Variants in FOXN3 observed in about 807,000 individuals in gnomAD.
FOXN3 encodes forkhead box N3.
Under a neutral mutation model 38.4 loss-of-function variants are expected in FOXN3, and 7 were observed. The observed-to-expected ratio is 0.18, with a 90% confidence interval of 0.10 to 0.34. The LOEUF (loss-of-function observed/expected upper bound fraction) is 0.34. Among genes scored for constraint, FOXN3 ranks in the 10% least tolerant of loss-of-function variants. The probability of loss-of-function intolerance (pLI) is 1.00; values close to 1 mark genes in which losing one functional copy is unlikely to be tolerated. For synonymous variants in FOXN3, 230 were observed against 242.2 expected, an observed-to-expected ratio of 0.95 and a Z score of 0.47; for missense variants, 456 against 613.4, an observed-to-expected ratio of 0.74 and a Z score of 2.71.
chr14:89,293,304 A>G (rs1336449682), intron 3 of FOXN3, among the ~76,000 whole-genome samples: 2 of 152,170 alleles, frequency 1.3e-5, no homozygotes, highest in Non-Finnish European at 2.9e-5. Flanking sequence ...AGGGTTTATC[A>G]GTGTCTATTC....
intron 3 of FOXN3, among the ~76,000 whole-genome samples, chr14:89,335,349 A>C (rs1402311970): frequency 6.6e-6 from 1 of 152,226 alleles, no homozygotes; most frequent in Non-Finnish European, 1.5e-5. Context: ...AGTCTCTCAA[A>C]CTGAGTGTCA....
chr14:89,618,775 CTT>C (rs10649488), intron 1 of FOXN3, among the ~76,000 whole-genome samples: 1 of 145,586 alleles, frequency 6.9e-6, no homozygotes. Context: ...TCCTAAGAAA[CTT>C]TTTTTTTTTT....
rs1887129107 is a variant in FOXN3 at position 89,162,537 on chromosome 14, A to G, written c.1284T>C (p.Asp428=). 2 of 1,603,818 alleles carry G rather than the reference A, an allele frequency of 1.2e-6. No homozygotes were observed. The highest frequency in any genetic ancestry group is 8.5e-7 in the Non-Finnish European group (1 of 1,176,934). ...ACCCTGCCGCTTCTTTCATCTCCTC[A>G]TCATCGCTCTCGGGGGGCTTTTCGG... is the stretch of plus-strand genomic sequence containing the variant. ...RRTEKPPESD[D]EEMKEAAGSL... is the part of the protein sequence containing the mutation. The change falls in exon 6 of 6, where the codon GAT becomes GAC. Residue 428 remains aspartate (D), a synonymous_variant. Transcript: ENST00000557258. The surrounding 1 kb of genome is among the most constrained non-coding windows in gnomAD (Gnocchi z 7.2).
intron 4 of FOXN3, among the ~76,000 whole-genome samples, chr14:89,199,230 T>C (rs1596097476): frequency 6.6e-6 from 1 of 152,132 alleles, no homozygotes; most frequent in African/African-American, 2.4e-5. Context: ...ACTGTGGACA[T>C]GAACTGCAAA....
intron 5 of FOXN3, among the ~76,000 whole-genome samples, chr14:89,168,430 A>C (rs944776364): frequency 2.0e-5 from 3 of 152,220 alleles, no homozygotes; most frequent in Non-Finnish European, 4.4e-5. Context: ...CAGGGGATCA[A>C]GACTAGCCTG....
chr14:89,172,469 T>G (rs979274298), intron 5 of FOXN3, among the ~76,000 whole-genome samples: 4 of 152,220 alleles, frequency 2.6e-5, no homozygotes, highest in South Asian at 2.1e-4. Context: ...AGGGTGTCTT[T>G]TCTTTGTTTT....
chr14:89,217,331 GTCTC>G (rs1884318100), intron 4 of FOXN3, among the ~76,000 whole-genome samples: 2 of 152,066 alleles, frequency 1.3e-5, no homozygotes, highest in South Asian at 2.1e-4. Flanking sequence ...TAGAGATGGG[GTCTC>G]TCTATGTTGC....
chr14:89,360,562 A>AC, intron 2 of FOXN3, among the ~76,000 whole-genome samples: 5 of 4,856 alleles, frequency 1.0e-3, no homozygotes, highest in Non-Finnish European at 3.0e-3. Flanking sequence ...GAAGGAGGTG[A>AC]GGAGAGAGAG....
intron 4 of FOXN3, among the ~76,000 whole-genome samples, chr14:89,212,638 T>C (rs1365255166): frequency 1.3e-5 from 2 of 152,224 alleles, no homozygotes; most frequent in African/African-American, 4.8e-5. Flanking sequence ...GGAAATCATT[T>C]CTGAAAGGCT....
chr14:89,156,318 C>G lies in FOXN3; in HGVS notation c.*6096G>C, dbSNP rs962339477. ...TTGTCTTTGGCAATATGATTACATA[C>G]GAAGAATGCAAAATGCAGGTATGGA... is the stretch of plus-strand genomic sequence containing the variant. On this transcript the variant is annotated 3_prime_UTR_variant, in exon 6 of 6. Coordinates refer to ENST00000557258, the MANE Select transcript of FOXN3 (RefSeq NM_005197.4). 1 of 152,590 alleles carries G rather than the reference C, an allele frequency of 6.6e-6. No homozygotes were observed. The highest frequency in any genetic ancestry group is 2.4e-5 in the African/African-American group (1 of 41,426). 9.5% of individuals were successfully genotyped at this position (152,590 alleles called of 1,614,324 possible). A position where few individuals can be genotyped will look rare whatever the true frequency, so the allele number is the denominator to read the frequency against.
chr14:89,526,778 C>A (rs1894440711), intron 1 of FOXN3, among the ~76,000 whole-genome samples: 1 of 151,878 alleles, frequency 6.6e-6, no homozygotes, highest in Non-Finnish European at 1.5e-5. Context: ...ACAAAGGACC[C>A]AGAATGGCAA....
intron 2 of FOXN3, among the ~76,000 whole-genome samples, chr14:89,352,000 C>T (rs972103650): frequency 1.3e-5 from 2 of 152,204 alleles, no homozygotes; most frequent in African/African-American, 4.8e-5. Flanking sequence ...CATTAAAATA[C>T]TTTATTATCA....
chr14:89,438,940 A>C (rs964856785), intron 1 of FOXN3, among the ~76,000 whole-genome samples: 14 of 151,956 alleles, frequency 9.2e-5, no homozygotes, highest in Non-Finnish European at 1.9e-4. Context: ...TCGTATTTTT[A>C]GTAGGACAGA....
chr14:89,188,856 A>T (rs1477922102), intron 4 of FOXN3, among the ~76,000 whole-genome samples: 2 of 152,108 alleles, frequency 1.3e-5, no homozygotes, highest in Non-Finnish European at 2.9e-5. Flanking sequence ...AAAAAAAAAA[A>T]TTTAAAAACA....
chr14:89,210,156 G>A (rs1411335392), intron 4 of FOXN3, among the ~76,000 whole-genome samples: 1 of 152,208 alleles, frequency 6.6e-6, no homozygotes, highest in Non-Finnish European at 1.5e-5. Flanking sequence ...CCCCAGTGTT[G>A]GAGGTGGGGC....
chr14:89,293,879 G>A (rs1449772731), intron 3 of FOXN3, among the ~76,000 whole-genome samples: 2 of 152,174 alleles, frequency 1.3e-5, no homozygotes, highest in African/African-American at 2.4e-5. Flanking sequence ...ACCTACTGCT[G>A]TGCTTGGAAC....
At chr14:89,602,640 G>A (rs1405500362) in intron 1 of FOXN3, among the ~76,000 whole-genome samples, 1 of 151,904 alleles carries the variant, frequency 6.6e-6, no homozygotes, top group African/African-American at 2.4e-5. Context: ...GGGATTATAG[G>A]CACCTGCCAC....
intron 1 of FOXN3, among the ~76,000 whole-genome samples, chr14:89,509,096 C>T (rs1170172733): frequency 6.6e-6 from 1 of 152,068 alleles, no homozygotes; most frequent in Non-Finnish European, 1.5e-5. Flanking sequence ...CACTCTGTTC[C>T]ACCCACCCTG....
At chr14:89,423,172 A>AAC (rs1020650056) in intron 1 of FOXN3, among the ~76,000 whole-genome samples, 19 of 152,192 alleles carry the variant, frequency 1.2e-4, no homozygotes, top group Admixed American at 5.9e-4. Flanking sequence ...CAAATAAGCA[A>AAC]ACACACACAC....
Sources: gnomAD v4.1 joint callset for allele counts (sites outside exome capture counted in the v4.1 genomes callset) on GRCh38, gnomAD v4.1.1 for gene constraint, Gnocchi (gnomAD v3.1) non-coding constraint, MANE v1.5 for transcripts, NCBI Gene and HGNC (gene_info 2026-07-23, HGNC 2026-07-21) for gene names.